The following CLCN1 variants were observed in gnomAD, a reference collection of about 807,000 sequenced individuals.
CLCN1 encodes chloride voltage-gated channel 1.
CLCN1 carries 100 observed loss-of-function variants against 114.5 expected under a neutral mutation model. That is an observed-to-expected ratio of 0.87 (90% confidence interval 0.74 to 1.03). The LOEUF is 1.03. Ranked by LOEUF, CLCN1 falls within the 50% of genes least tolerant of loss-of-function variation. CLCN1 has a pLI of 0.00. For synonymous variants in CLCN1, 485 were observed against 487.1 expected (o/e 1.00, Z 0.06); for missense variants, 1,188 against 1,250.0 (o/e 0.95, Z 0.75).
At chr7:143,322,406 A>G in intron 5 of CLCN1, among the ~76,000 whole-genome samples, 1 of 152,140 alleles carries the variant, frequency 6.6e-6, no homozygotes, top group East Asian at 1.9e-4. Context: ...TTTGCCCCCT[A>G]CTGCCATATT....
Position 143,346,207 on chromosome 7 carries a change from C to T in CLCN1, c.2240C>T (p.Pro747Leu). ...APLSPEEPNGPLPGHKQQPEA... is the reference protein window; with the variant it reads ...APLSPEEPNGLLPGHKQQPEA... The stretch of plus-strand genomic sequence containing the variant: ...CTGTCCCCAGAAGAGCCCAATGGGC[C>T]TCTGCCTGGCCACAAACAGCAGCCG... Residue 747 changes from proline (P) to leucine (L), a missense_variant, in exon 18 of 23, where the codon CCT (proline) becomes CTT (leucine). By Grantham distance (98) the Pro-to-Leu change is moderately conservative. Transcript: ENST00000343257. 1 of 1,613,864 alleles carries T rather than the reference C, an allele frequency of 6.2e-7. No homozygotes were observed. Among genetic ancestry groups the T allele is most frequent in the Non-Finnish European group, 8.5e-7 (1 of 1,179,854 alleles).
intron 7 of CLCN1, among the ~76,000 whole-genome samples, chr7:143,330,298 A>G: frequency 6.6e-6 from 1 of 152,140 alleles, no homozygotes; most frequent in Non-Finnish European, 1.5e-5. Flanking sequence ...GTAGAACGGT[A>G]GGAAAGTCCA....
intron 12 of CLCN1, among the ~76,000 whole-genome samples, chr7:143,336,106 A>G (rs1337175088): frequency 6.6e-6 from 1 of 152,160 alleles, no homozygotes; most frequent in Non-Finnish European, 1.5e-5. Context: ...GCTTTTAATA[A>G]GTCTAACATT....
intron 12 of CLCN1, among the ~76,000 whole-genome samples, chr7:143,336,041 C>T (rs1802877202): frequency 6.6e-6 from 1 of 152,146 alleles, no homozygotes; most frequent in Non-Finnish European, 1.5e-5. Flanking sequence ...TTACATTATA[C>T]ATCAAGAGAA....
intron 22 of CLCN1, 105 bp from the exon 23 acceptor site, chr7:143,351,489 C>A (rs1463967231): frequency 1.5e-6 from 2 of 1,291,556 alleles, no homozygotes; most frequent in East Asian, 5.0e-5. Context: ...CTTTCCTGTT[C>A]TTTTTTCCTT....
chr7:143,321,416 T>C lies in CLCN1; in HGVS notation c.485T>C (p.Leu162Pro), dbSNP rs1156756469. Residue 162 changes from leucine (L) to proline (P), a missense_variant, in exon 4 of 23, where the codon CTG (leucine) becomes CCG (proline). Transcript: ENST00000343257. The surrounding 1 kb of genome is among the most constrained non-coding windows in gnomAD (Gnocchi z 4.2). ...QMQPSLPLQF[L>P]VWVTFPLVLI... ...CAGCCCAGCCTTCCTCTGCAGTTCC[T>C]GGTCTGGGTCACCTTCCCACTAGTC... 1 of 1,614,212 alleles carries C rather than the reference T, an allele frequency of 6.2e-7. No individual in the cohort carries two copies. The highest frequency in any genetic ancestry group is 8.5e-7 in the Non-Finnish European group (1 of 1,180,036).
chr7:143,327,730 C>A (rs1323621672), intron 7 of CLCN1, among the ~76,000 whole-genome samples: 4 of 152,204 alleles, frequency 2.6e-5, no homozygotes, highest in Non-Finnish European at 5.9e-5. Context: ...TTTTGGCTCA[C>A]TGCAACCTCT....
At position 143,350,627 on chromosome 7, in the gene CLCN1, G is replaced by C; in HGVS notation, c.2568G>C (p.Lys856Asn). 1 of 1,614,144 alleles carries C rather than the reference G, an allele frequency of 6.2e-7. No homozygotes were observed. Among genetic ancestry groups the C allele is most frequent in the Middle Eastern group, 1.6e-4 (1 of 6,062 alleles). The change falls in exon 22 of 23, where the codon AAG (lysine) becomes AAC (asparagine). Residue 856 changes from lysine (K) to asparagine (N), a missense_variant. Coordinates refer to ENST00000343257, the MANE Select transcript of CLCN1 (RefSeq NM_000083.3). This position sits in a 1 kb window ranked among gnomAD's most constrained non-coding sequence, Gnocchi z 5.1. ...LHLAYVTSMG[K>N]LRGVLALEEL... ...TCGCTTACGTGACCAGCATGGGGAA[G>C]CTCAGGGGCGTCCTGGCCCTGGAGG...
At chr7:143,328,223 C>T (rs892598216) in intron 7 of CLCN1, among the ~76,000 whole-genome samples, 2 of 67,976 alleles carry the variant, frequency 2.9e-5, no homozygotes, top group Non-Finnish European at 6.8e-5. Flanking sequence ...TAATCAGCAG[C>T]ATATAGGTGT....
rs146043077 is a variant in CLCN1, at chr7:143,327,138, T to C, written c.853+2646T>C. On this transcript the variant is annotated intron_variant, in intron 7 of 22. Transcript: ENST00000343257. ...GCAGGCACTTGTAGTCCCAGCTACTTGGGAGGCTAAGGTGGAAGAATCACT... is the reference window on the plus strand; with the variant it reads ...GCAGGCACTTGTAGTCCCAGCTACTCGGGAGGCTAAGGTGGAAGAATCACT... 1.4e-3 allele frequency among the ~76,000 whole-genome samples: 218 copies of C among 151,972 alleles called. 3 individuals carry two copies. The highest frequency in any genetic ancestry group is 5.0e-3 in the African/African-American group (208 of 41,454).
chr7:143,342,844 T>C (rs1055204770), intron 16 of CLCN1, among the ~76,000 whole-genome samples: 2 of 151,938 alleles, frequency 1.3e-5, no homozygotes, highest in Admixed American at 6.6e-5. Flanking sequence ...GGTGCATGCC[T>C]GTAATTAGAA....
intron 14 of CLCN1, among the ~76,000 whole-genome samples, chr7:143,341,142 G>A (rs768140134): frequency 9.2e-5 from 14 of 152,002 alleles, no homozygotes; most frequent in Non-Finnish European, 1.5e-4. Context: ...TCTGACACAG[G>A]TCTCATTGCT....
At chr7:143,328,655 GTA>G (rs1802640616) in intron 7 of CLCN1, among the ~76,000 whole-genome samples, 1 of 152,124 alleles carries the variant, frequency 6.6e-6, no homozygotes, top group South Asian at 2.1e-4. Context: ...TTTGTTACTG[GTA>G]TAGAAAAGGA....
chr7:143,335,078 T>G (rs1586502414), intron 12 of CLCN1, among the ~76,000 whole-genome samples: 1 of 152,234 alleles, frequency 6.6e-6, no homozygotes. Flanking sequence ...ACGGCAACAT[T>G]GGCATCGTAT....
chr7:143,316,963 A>G (rs909815241), intron 1 of CLCN1, among the ~76,000 whole-genome samples: 1 of 152,302 alleles, frequency 6.6e-6, no homozygotes, highest in Non-Finnish European at 1.5e-5. Context: ...GTAAGAACCT[A>G]TTAAGTGTTA....
In CLCN1 at chr7:143,332,768, A is replaced by T. The variant is rs377638213; in HGVS notation, c.1296A>T (p.Thr432=). 2 of 1,614,202 alleles carry T rather than the reference A, an allele frequency of 1.2e-6. No individual in the cohort carries two copies. Among genetic ancestry groups the T allele is most frequent in the South Asian group, 1.1e-5 (1 of 91,084 alleles). Residue 432 remains threonine (T), a synonymous_variant, in exon 12 of 23, where the codon ACA becomes ACT. Transcript: ENST00000343257. ...TCAGTACTTTGTTTGACAACAATAC[A>T]TGGGTGAAACACGCGGGTGATCCTG... ...EAISTLFDNN[T]WVKHAGDPES...
chr7:143,320,005 AAGAGAC>A, intron 2 of CLCN1, 130 bp downstream of exon 2: 2 of 968,582 alleles, frequency 2.1e-6, no homozygotes, highest in Non-Finnish European at 3.2e-6. Flanking sequence ...AATTGTTTTT[AAGAGAC>A]AGGGTCTCAC....
chr7:143,324,402 C>G lies in CLCN1; in HGVS notation c.775-12C>G. On this transcript the variant is annotated splice_polypyrimidine_tract_variant and intron_variant, in intron 6 of 22. Transcript: ENST00000343257. This position sits in a 1 kb window ranked among gnomAD's most constrained non-coding sequence, Gnocchi z 4.6. ...CTTCCACCTGTTTCTCTGTCTGTCT[C>G]TCCCCTAGTAGCAGCCATACTACTA... The G allele has an allele frequency of 2.5e-6, 4 of 1,607,770 alleles. No individual in the cohort carries two copies. Among genetic ancestry groups the G allele is most frequent in the South Asian group, 1.1e-5 (1 of 90,964 alleles).
intron 12 of CLCN1, among the ~76,000 whole-genome samples, chr7:143,337,099 T>C (rs572800457): frequency 6.6e-6 from 1 of 152,222 alleles, no homozygotes; most frequent in Non-Finnish European, 1.5e-5. Context: ...TCTGGTCATC[T>C]GCATTTTAAA....
Sources: gnomAD v4.1 joint callset for allele counts (sites outside exome capture counted in the v4.1 genomes callset) on GRCh38, gnomAD v4.1.1 for gene constraint, Gnocchi (gnomAD v3.1) non-coding constraint, MANE v1.5 for transcripts, NCBI Gene and HGNC (gene_info 2026-07-23, HGNC 2026-07-21) for gene names.